The following CDH8 variants were observed in gnomAD, a reference collection of about 807,000 sequenced individuals.
The protein encoded by CDH8 is cadherin 8.
In CDH8, 17 loss-of-function variants were observed where a neutral mutation model predicts 68.1. The ratio of observed to expected loss-of-function variants is 0.25; its 90% CI spans 0.17 to 0.37. The LOEUF (loss-of-function observed/expected upper bound fraction) is 0.37. CDH8 is among the 10% of genes least tolerant of loss of function. CDH8 has a pLI of 1.00. For missense variants in CDH8, 763 were observed against 999.3 expected (o/e 0.76, Z 3.19); for synonymous variants, 372 against 365.1 (o/e 1.02, Z -0.21).
chr16:61,947,809 G>T (rs1964823725), intron 2 of CDH8, among the ~76,000 whole-genome samples: 1 of 152,058 alleles, frequency 6.6e-6, no homozygotes, highest in Non-Finnish European at 1.5e-5. Context: ...ATTGTTATTG[G>T]TCAACTTACA....
chr16:61,994,772 T>A (rs1017030167), intron 2 of CDH8, among the ~76,000 whole-genome samples: 13 of 152,160 alleles, frequency 8.5e-5, no homozygotes, highest in Non-Finnish European at 1.6e-4. Context: ...CCTACATGAT[T>A]CTGATGCTTA....
At chr16:62,033,553 AG>A (rs1433489602) in intron 1 of CDH8, among the ~76,000 whole-genome samples, 1 of 152,250 alleles carries the variant, frequency 6.6e-6, no homozygotes, top group Admixed American at 6.5e-5. Context: ...ATAAAGCAGA[AG>A]CACTGATTTC....
intron 2 of CDH8, among the ~76,000 whole-genome samples, chr16:61,907,860 C>T (rs916461192): frequency 3.3e-5 from 5 of 151,396 alleles, no homozygotes; most frequent in Admixed American, 1.3e-4. Flanking sequence ...CTGGCTAACA[C>T]GGTGAAACCC....
rs529017528 is a variant in CDH8, at chr16:61,857,815, T to G, written c.548-577A>C. Among the ~76,000 whole-genome samples the G allele has an allele frequency of 2.6e-5, 4 of 152,180 alleles. No homozygotes were observed. In the East Asian group the frequency reaches 7.7e-4, roughly 29 times the overall value. On this transcript the variant is annotated intron_variant, in intron 3 of 11. Transcript: ENST00000577390. ...TCAAATTTATTTTTTATTCACTCAT[T>G]CATTCAACAATTGAGCATATACAGT...
rs1175205308 is a variant in CDH8, at chr16:61,817,216, A to T, written c.1277+263T>A. On this transcript the variant is annotated intron_variant, in intron 7 of 11. Coordinates refer to ENST00000577390, the MANE Select transcript of CDH8 (RefSeq NM_001796.5). Reference sequence around the variant, plus strand: ...AACATTTGCAACTTTGCATTTTCATAGAGCTCTCTAAGAGCTGGAATAGCT... The same window carrying T: ...AACATTTGCAACTTTGCATTTTCATTGAGCTCTCTAAGAGCTGGAATAGCT... Among the ~76,000 whole-genome samples, 4 of 152,250 alleles carry T rather than the reference A, an allele frequency of 2.6e-5. No individual in the cohort carries two copies. The East Asian group carries it at 7.8e-4, about 30-fold the overall frequency.
rs3840045 is a variant in CDH8, at chr16:61,653,453, CT to C, written c.*154del. ...AACATATACTTTTTTATTTTATTAT[CT>C]TTTTTTGGTTCAACATTAAAATGTG... On this transcript the variant is annotated 3_prime_UTR_variant, in exon 12 of 12. Transcript: ENST00000577390. 164,341 of 1,422,090 alleles carry C rather than the reference CT, an allele frequency of 0.12. 9,738 individuals are homozygous for C. The highest frequency in any genetic ancestry group is 0.15 in the African/African-American group (10,279 of 69,152). The allele number at this position is 1,422,090 out of a possible 1,614,324, so 88.1% of individuals were successfully genotyped here. A position where few individuals can be genotyped will look rare whatever the true frequency, so the allele number is the denominator to read the frequency against.
intron 2 of CDH8, among the ~76,000 whole-genome samples, chr16:61,962,707 C>T (rs1423809376): frequency 6.6e-6 from 1 of 152,078 alleles, no homozygotes; most frequent in Non-Finnish European, 1.5e-5. Context: ...CAAAACGGAA[C>T]AAAAGTATAA....
At chr16:61,757,518 G>T (rs182557786) in intron 8 of CDH8, among the ~76,000 whole-genome samples, 1 of 152,236 alleles carries the variant, frequency 6.6e-6, no homozygotes, top group East Asian at 1.9e-4. Flanking sequence ...CAAATTCTAT[G>T]AAATACCTTT....
At chr16:61,911,679 T>A (rs536371466) in intron 2 of CDH8, among the ~76,000 whole-genome samples, 101 of 151,196 alleles carry the variant, frequency 6.7e-4, no homozygotes, top group African/African-American at 2.4e-3. Flanking sequence ...TGAATAGAGA[T>A]ATAGATATGT....
chr16:61,937,840 C>G (rs1196075897), intron 2 of CDH8: 1 of 152,170 alleles, frequency 6.6e-6, no homozygotes, highest in Non-Finnish European at 1.5e-5. Flanking sequence ...GGCTAAACAT[C>G]TCATTGTGTT....
At chr16:61,745,535 G>C (rs917490928) in intron 8 of CDH8, among the ~76,000 whole-genome samples, 8 of 148,804 alleles carry the variant, frequency 5.4e-5, no homozygotes, top group Non-Finnish European at 1.2e-4. Flanking sequence ...GCTCATATTT[G>C]TATTTTTACT....
At chr16:61,746,075 C>T (rs1409706827) in intron 8 of CDH8, among the ~76,000 whole-genome samples, 1 of 152,110 alleles carries the variant, frequency 6.6e-6, no homozygotes, top group Non-Finnish European at 1.5e-5. Flanking sequence ...TTCTTTTACA[C>T]TGCTAAAATA....
chr16:61,687,584 G>A (rs185249561), intron 10 of CDH8, among the ~76,000 whole-genome samples: 100 of 152,026 alleles, frequency 6.6e-4, no homozygotes, highest in East Asian at 1.2e-3. Context: ...TACTAACAAC[G>A]CCTTCAGCCC....
Position 62,021,616 on chromosome 16 carries a change from G to T in CDH8, c.-199-14C>A. On this transcript the variant is annotated splice_polypyrimidine_tract_variant and intron_variant, in intron 1 of 11. Transcript: ENST00000577390. Reference sequence around the variant, plus strand: ...CATTGAAATTTCCTGCAAAAACAAGGAGGAAGAAAGATAAGGGTCTACTCA... The same window carrying T: ...CATTGAAATTTCCTGCAAAAACAAGTAGGAAGAAAGATAAGGGTCTACTCA... 2 of 1,326,382 alleles carry T rather than the reference G, an allele frequency of 1.5e-6. No homozygotes were observed. Among genetic ancestry groups the T allele is most frequent in the Non-Finnish European group, 1.9e-6 (2 of 1,037,324 alleles). The allele number at this position is 1,326,382 out of a possible 1,614,324, so 82.2% of individuals were successfully genotyped here. A position where few individuals can be genotyped will look rare whatever the true frequency, so the allele number is the denominator to read the frequency against.
At chr16:61,723,094 T>A (rs111621139) in intron 9 of CDH8, among the ~76,000 whole-genome samples, 79 of 150,898 alleles carry the variant, frequency 5.2e-4, no homozygotes, top group African/African-American at 1.8e-3. Flanking sequence ...AAATATTCAA[T>A]TCAGTCCCTG....
intron 7 of CDH8, among the ~76,000 whole-genome samples, chr16:61,808,146 T>C (rs1394476198): frequency 6.6e-6 from 1 of 152,228 alleles, no homozygotes; most frequent in African/African-American, 2.4e-5. Flanking sequence ...TCAAGTTTGA[T>C]GTACAAACTA....
intron 3 of CDH8, among the ~76,000 whole-genome samples, chr16:61,894,252 A>G (rs1963830975): frequency 6.6e-6 from 1 of 152,186 alleles, no homozygotes; most frequent in South Asian, 2.1e-4. Flanking sequence ...ACATCAGACA[A>G]ATCTTAAGAA....
chr16:61,726,704 G>A (rs2142892468), intron 9 of CDH8: 1 of 277,184 alleles, frequency 3.6e-6, no homozygotes, highest in East Asian at 6.0e-5. Context: ...ACTATTATTT[G>A]GTATTCATAT....
At chr16:62,011,392 C>T (rs1391323728) in intron 2 of CDH8, among the ~76,000 whole-genome samples, 3 of 152,314 alleles carry the variant, frequency 2.0e-5, no homozygotes, top group South Asian at 2.1e-4. Context: ...TGGAAGGAGT[C>T]CCATCAGCCC....
Sources: gnomAD v4.1 joint callset for allele counts (sites outside exome capture counted in the v4.1 genomes callset) on GRCh38, gnomAD v4.1.1 for gene constraint, MANE v1.5 for transcripts, NCBI Gene and HGNC (gene_info 2026-07-23, HGNC 2026-07-21) for gene names.